The following PTPRD variants were observed in gnomAD, a reference collection of about 807,000 sequenced individuals.
PTPRD encodes the protein protein tyrosine phosphatase receptor type D, also known as receptor-type tyrosine-protein phosphatase delta.
PTPRD carries 34 observed loss-of-function variants against 214.5 expected under a neutral mutation model. The observed-to-expected ratio is 0.16, with a 90% CI of 0.12 to 0.21. The LOEUF (loss-of-function observed/expected upper bound fraction) is 0.21. PTPRD is among the 10% of genes least tolerant of loss of function. The pLI is 1.00. For synonymous variants in PTPRD, 1,128 were observed against 845.7 expected (o/e 1.33, Z -5.79); for missense variants, 2,545 against 2,398.7 (o/e 1.06, Z -1.27).
At chr9:8,934,464 A>AAT (rs375805962) in intron 11 of PTPRD, among the ~76,000 whole-genome samples, 167 of 11,066 alleles carry the variant, frequency 0.015, 12 homozygotes, top group Non-Finnish European at 0.02. Flanking sequence ...TATATATATA[A>AAT]ATATATATAT....
intron 5 of PTPRD, among the ~76,000 whole-genome samples, chr9:9,793,689 CA>C (rs2098982698): frequency 1.3e-5 from 2 of 151,704 alleles, no homozygotes; most frequent in Non-Finnish European, 2.9e-5. Flanking sequence ...AAATTCAGCT[CA>C]GAATATATTA....
chr9:8,425,095 C>T (rs993339701), intron 35 of PTPRD, among the ~76,000 whole-genome samples: 1 of 152,132 alleles, frequency 6.6e-6, no homozygotes, highest in Non-Finnish European at 1.5e-5. Context: ...AGTAGAAAAA[C>T]CATGACAAAT....
At chr9:10,333,265 G>A (rs535173087) in intron 3 of PTPRD, among the ~76,000 whole-genome samples, 1 of 151,854 alleles carries the variant, frequency 6.6e-6, no homozygotes, top group African/African-American at 2.4e-5. Flanking sequence ...CCTGAAAGGG[G>A]GGTTGAAGTC....
chr9:10,542,009 C>G (rs1368018181), intron 2 of PTPRD, among the ~76,000 whole-genome samples: 1 of 151,992 alleles, frequency 6.6e-6, no homozygotes, highest in Non-Finnish European at 1.5e-5. Flanking sequence ...CATTTATAAA[C>G]ATAGTAATTA....
chr9:10,603,421 G>A (rs2078481875), intron 2 of PTPRD, among the ~76,000 whole-genome samples: 1 of 151,640 alleles, frequency 6.6e-6, no homozygotes, highest in Non-Finnish European at 1.5e-5. Flanking sequence ...CACTTCATTT[G>A]AAAGAATTTG....
At chr9:8,779,456 C>T (rs559698514) in intron 11 of PTPRD, among the ~76,000 whole-genome samples, 1 of 151,992 alleles carries the variant, frequency 6.6e-6, no homozygotes, top group Non-Finnish European at 1.5e-5. Flanking sequence ...TGTGTCGTCC[C>T]GGGGTTGGGT....
chr9:9,091,276 C>T (rs2099775385), intron 10 of PTPRD: 1 of 1,198,128 alleles, frequency 8.3e-7, no homozygotes, highest in South Asian at 1.2e-5. Context: ...TGAAGACAGG[C>T]TATTCTCTGG....
At chr9:10,384,419 A>G (rs541332331) in intron 2 of PTPRD, among the ~76,000 whole-genome samples, 4 of 151,846 alleles carry the variant, frequency 2.6e-5, no homozygotes, top group Admixed American at 6.6e-5. Flanking sequence ...TTCTGATTCT[A>G]TATGATCAAA....
At chr9:8,553,269 G>GA (rs1159723300) in intron 14 of PTPRD, among the ~76,000 whole-genome samples, 1 of 151,916 alleles carries the variant, frequency 6.6e-6, no homozygotes, top group Non-Finnish European at 1.5e-5. Context: ...ATTAGTGAAA[G>GA]AAAAAAAGGA....
intron 37 of PTPRD, among the ~76,000 whole-genome samples, chr9:8,387,076 G>C (rs1201043308): frequency 6.6e-6 from 1 of 152,148 alleles, no homozygotes; most frequent in Non-Finnish European, 1.5e-5. Context: ...TCTGGGTACA[G>C]GCTGAACCAC....
At chr9:8,811,283 T>C (rs1208530460) in intron 11 of PTPRD, among the ~76,000 whole-genome samples, 1 of 152,210 alleles carries the variant, frequency 6.6e-6, no homozygotes, top group South Asian at 2.1e-4. Flanking sequence ...CTCAACATTC[T>C]ACCACCAAGA....
chr9:9,527,043 G>A (rs887927124), intron 8 of PTPRD, among the ~76,000 whole-genome samples: 1 of 152,002 alleles, frequency 6.6e-6, no homozygotes, highest in African/African-American at 2.4e-5. Context: ...TATTTAATGA[G>A]TCTGTTAAAA....
chr9:8,605,962 G>A (rs1428016230), intron 14 of PTPRD, among the ~76,000 whole-genome samples: 4 of 152,056 alleles, frequency 2.6e-5, no homozygotes, highest in South Asian at 2.1e-4. Context: ...TTTATTTTTC[G>A]GGGAGCGGGG....
chr9:9,038,857 G>A (rs1334340327), intron 10 of PTPRD, among the ~76,000 whole-genome samples: 2 of 151,988 alleles, frequency 1.3e-5, no homozygotes, highest in Non-Finnish European at 2.9e-5. Flanking sequence ...CCGCCCAGCA[G>A]ATAACTATTT....
intron 3 of PTPRD, among the ~76,000 whole-genome samples, chr9:10,324,338 G>A (rs539288404): frequency 6.6e-6 from 1 of 152,072 alleles, no homozygotes; most frequent in Admixed American, 6.5e-5. Context: ...CTCCTTGGTA[G>A]TAGCTTGAAT....
intron 2 of PTPRD, among the ~76,000 whole-genome samples, chr9:10,359,032 G>A (rs752790553): frequency 6.6e-6 from 1 of 151,860 alleles, no homozygotes; most frequent in Admixed American, 6.6e-5. Context: ...CCTTGCCTAT[G>A]TGTGTATATA....
At chr9:9,336,116 C>T (rs571659678) in intron 9 of PTPRD, among the ~76,000 whole-genome samples, 14 of 151,580 alleles carry the variant, frequency 9.2e-5, no homozygotes, top group East Asian at 7.7e-4. Flanking sequence ...TTCATTATTA[C>T]GGAGAAATGC....
chr9:8,863,169 C>G (rs2098136174), intron 11 of PTPRD, among the ~76,000 whole-genome samples: 1 of 152,226 alleles, frequency 6.6e-6, no homozygotes. Context: ...TCACCCTCAC[C>G]TGCAGTGTGT....
At chr9:10,254,167 T>C (rs1006798836) in intron 3 of PTPRD, among the ~76,000 whole-genome samples, 1 of 152,234 alleles carries the variant, frequency 6.6e-6, no homozygotes, top group Non-Finnish European at 1.5e-5. Flanking sequence ...AATTTTTGTT[T>C]ATTTACCTTT....
Sources: allele counts gnomAD v4.1 joint callset (sites outside exome capture counted in the v4.1 genomes callset), GRCh38; gene constraint gnomAD v4.1.1; transcripts MANE v1.5; gene names NCBI Gene and HGNC (gene_info 2026-07-23, HGNC 2026-07-21).